Variants in ADAMTSL1 observed in about 807,000 individuals in gnomAD.
ADAMTSL1 encodes the protein ADAMTS-like protein 1.
Under a neutral mutation model 201.8 loss-of-function variants are expected in ADAMTSL1, and 126 were observed. That is an observed-to-expected ratio of 0.62 (90% CI 0.54 to 0.72). The LOEUF (loss-of-function observed/expected upper bound fraction) is 0.72. Ranked by LOEUF, ADAMTSL1 falls within the 30% of genes least tolerant of loss-of-function variation. The pLI, the probability that ADAMTSL1 is intolerant of heterozygous loss-of-function variation, is 0.00. For synonymous variants in ADAMTSL1, 1,121 were observed against 903.4 expected, an observed-to-expected ratio of 1.24 and a Z score of -4.32; for missense variants, 2,679 against 2,277.8, an observed-to-expected ratio of 1.18 and a Z score of -3.59.
Position 18,908,810 on chromosome 9 carries a change from G to C in ADAMTSL1, c.*262G>C, listed in dbSNP as rs1169123900. The stretch of plus-strand genomic sequence containing the variant: ...TGCAGAGCAGGCCAGGCAGACAGTG[G>C]GGGCTCCCTTGAAGAGCTTCCTCCC... On this transcript the variant is annotated 3_prime_UTR_variant, in exon 29 of 29. Transcript: ENST00000380548. The C allele has an allele frequency of 3.0e-5, 11 of 363,598 alleles. No homozygotes were observed. Among genetic ancestry groups the C allele is most frequent in the Non-Finnish European group, 2.0e-5 (4 of 199,992 alleles). The allele number at this position is 363,598 out of a possible 1,614,324, so 22.5% of individuals were successfully genotyped here.
At chr9:18,578,287 T>A (rs1479682094) in intron 4 of ADAMTSL1, among the ~76,000 whole-genome samples, 1 of 152,210 alleles carries the variant, frequency 6.6e-6, no homozygotes, top group Non-Finnish European at 1.5e-5. Flanking sequence ...ATATACCTTT[T>A]CAAACCACAT....
At chr9:18,167,992 C>G (rs904007435) in intron 2 of ADAMTSL1, among the ~76,000 whole-genome samples, 2 of 151,976 alleles carry the variant, frequency 1.3e-5, no homozygotes, top group Non-Finnish European at 2.9e-5. Flanking sequence ...TTGCTTCTTC[C>G]ATAACTGTTT....
intron 14 of ADAMTSL1, among the ~76,000 whole-genome samples, chr9:18,711,857 T>A (rs1832628572): frequency 6.6e-6 from 1 of 151,866 alleles, no homozygotes; most frequent in Non-Finnish European, 1.5e-5. Flanking sequence ...GTCTGACAGC[T>A]TTGAAGAGAG....
At chr9:18,036,747 C>G (rs538531697) in intron 1 of ADAMTSL1, among the ~76,000 whole-genome samples, 1 of 152,160 alleles carries the variant, frequency 6.6e-6, no homozygotes, top group Admixed American at 6.5e-5. Context: ...TGTTAAGATT[C>G]TCCTGCTTTC....
At chr9:18,422,866 A>G (rs1286794938) in intron 2 of ADAMTSL1, among the ~76,000 whole-genome samples, 1 of 152,182 alleles carries the variant, frequency 6.6e-6, no homozygotes, top group Non-Finnish European at 1.5e-5. Flanking sequence ...TGAAGACTTT[A>G]TCACTTGAGG....
At chr9:18,305,448 A>C (rs1833872507) in intron 2 of ADAMTSL1, among the ~76,000 whole-genome samples, 2 of 152,312 alleles carry the variant, frequency 1.3e-5, no homozygotes, top group East Asian at 3.9e-4. Flanking sequence ...GCAAGCTAAG[A>C]TCCACTGGCT....
At chr9:18,647,377 C>T (rs377199990) in intron 7 of ADAMTSL1, among the ~76,000 whole-genome samples, 16,974 of 148,692 alleles carry the variant, frequency 0.11, 1,205 homozygotes, top group Non-Finnish European at 0.16. Context: ...TTTTTTTTCC[C>T]CCATTTCCTT....
At chr9:18,303,167 T>C (rs1007381276) in intron 2 of ADAMTSL1, among the ~76,000 whole-genome samples, 2 of 152,200 alleles carry the variant, frequency 1.3e-5, no homozygotes, top group African/African-American at 4.8e-5. Flanking sequence ...AATACCAGGT[T>C]TGACATTTAG....
At chr9:17,995,857 T>C (rs1819353644) in intron 1 of ADAMTSL1, among the ~76,000 whole-genome samples, 1 of 151,792 alleles carries the variant, frequency 6.6e-6, no homozygotes, top group Non-Finnish European at 1.5e-5. Flanking sequence ...ATCCTGGCTC[T>C]GCTACCTCCT....
chr9:18,346,086 C>A (rs543779424), intron 2 of ADAMTSL1, among the ~76,000 whole-genome samples: 82 of 152,318 alleles, frequency 5.4e-4, no homozygotes, highest in African/African-American at 1.8e-3. Context: ...CTGTATGCTA[C>A]ACATCCATTA....
chr9:18,055,478 C>T (rs992242038), intron 1 of ADAMTSL1, among the ~76,000 whole-genome samples: 29 of 152,180 alleles, frequency 1.9e-4, no homozygotes, highest in African/African-American at 6.5e-4. Context: ...TCTAAAAACC[C>T]TTCTATAAAC....
At chr9:18,366,356 C>T (rs976841948) in intron 2 of ADAMTSL1, among the ~76,000 whole-genome samples, 3 of 151,834 alleles carry the variant, frequency 2.0e-5, no homozygotes, top group South Asian at 2.1e-4. Flanking sequence ...GGTGCTACCT[C>T]GTGTGCCTTG....
chr9:18,745,592 C>G (rs1271548641), intron 15 of ADAMTSL1, among the ~76,000 whole-genome samples: 1 of 152,116 alleles, frequency 6.6e-6, no homozygotes, highest in African/African-American at 2.4e-5. Context: ...ACTCGATTTG[C>G]TTGATACTAC....
At chr9:18,166,342 A>G (rs1392400717) in intron 2 of ADAMTSL1, among the ~76,000 whole-genome samples, 2 of 151,942 alleles carry the variant, frequency 1.3e-5, no homozygotes, top group African/African-American at 4.8e-5. Flanking sequence ...CCTATCCTCT[A>G]TTGCCTTGTT....
intron 2 of ADAMTSL1, among the ~76,000 whole-genome samples, chr9:18,323,911 G>A (rs1238486604): frequency 6.6e-6 from 1 of 152,050 alleles, no homozygotes; most frequent in Non-Finnish European, 1.5e-5. Context: ...TCCTCAAATT[G>A]ACTTATAGAT....
rs549793245 is a variant in ADAMTSL1, at chr9:18,086,872, C to T, written c.88-76990C>T. ...TTTTTTATTTCAAGTGCTTTGAAAACAGTGAATATTTCTTTTTAAAAAATG... is the reference window on the plus strand; with the variant it reads ...TTTTTTATTTCAAGTGCTTTGAAAATAGTGAATATTTCTTTTTAAAAAATG... On this transcript the variant is annotated intron_variant, in intron 1 of 29. Coordinates refer to the ADAMTSL1 transcript ENST00000680146. Among the ~76,000 whole-genome samples, 75 of 152,186 alleles carry T rather than the reference C, an allele frequency of 4.9e-4. 1 individual carries two copies. In the South Asian group the frequency reaches 0.015, roughly 30 times the overall value.
chr9:18,276,332 C>G (rs191379949), intron 2 of ADAMTSL1, among the ~76,000 whole-genome samples: 6 of 152,172 alleles, frequency 3.9e-5, no homozygotes, highest in Non-Finnish European at 7.4e-5. Flanking sequence ...TTTTGATCAG[C>G]AAAACTTTTA....
At chr9:18,789,483 T>C (rs557499716) in intron 19 of ADAMTSL1, among the ~76,000 whole-genome samples, 5 of 152,334 alleles carry the variant, frequency 3.3e-5, no homozygotes, top group Non-Finnish European at 7.3e-5. Context: ...TGCTATATTG[T>C]GGATATGATC....
chr9:18,165,740 G>A (rs116880951), intron 2 of ADAMTSL1, among the ~76,000 whole-genome samples: 9 of 151,876 alleles, frequency 5.9e-5, no homozygotes, highest in South Asian at 2.1e-4. Flanking sequence ...CCCAATAAGT[G>A]TGTGAAATTC....
Sources: allele counts gnomAD v4.1 joint callset (sites outside exome capture counted in the v4.1 genomes callset), GRCh38; gene constraint gnomAD v4.1.1; transcripts MANE v1.5; gene names NCBI Gene and HGNC (gene_info 2026-07-23, HGNC 2026-07-21).